SPAG16: variants seen among roughly 807,000 people sequenced by gnomAD.
SPAG16 encodes sperm-associated antigen 16 protein.
A neutral mutation model predicts 80.4 loss-of-function variants in SPAG16; 86 were observed. The ratio of observed to expected loss-of-function variants is 1.07; its 90% CI spans 0.90 to 1.28. The LOEUF (loss-of-function observed/expected upper bound fraction) is 1.28, where lower values mean the gene tolerates loss of function less well. Ranked by LOEUF, SPAG16 falls within the 50% of genes most tolerant of loss-of-function variation. The pLI is 0.00. For missense variants in SPAG16, 870 were observed against 765.3 expected, an observed-to-expected ratio of 1.14 and a Z score of -1.61; for synonymous variants, 294 against 265.9, an observed-to-expected ratio of 1.11 and a Z score of -1.03.
At chr2:214,297,887 A>T (rs1408361857) in intron 15 of SPAG16, among the ~76,000 whole-genome samples, 1 of 150,812 alleles carries the variant, frequency 6.6e-6, no homozygotes, top group Non-Finnish European at 1.5e-5. Context: ...GAAAAATGAC[A>T]TTAGTAATTT....
intron 15 of SPAG16, among the ~76,000 whole-genome samples, chr2:214,302,075 T>G (rs74995919): frequency 0.035 from 5,263 of 152,302 alleles, 126 homozygotes; most frequent in Middle Eastern, 0.058. Flanking sequence ...AGTTTCCATG[T>G]ACTTATACAG....
intron 15 of SPAG16, among the ~76,000 whole-genome samples, chr2:214,268,294 T>C (rs1691736654): frequency 6.6e-6 from 1 of 151,876 alleles, no homozygotes; most frequent in Non-Finnish European, 1.5e-5. Flanking sequence ...ATCTCAGTAC[T>C]GTATATATAT....
At chr2:213,776,827 C>T (rs1164017186) in intron 10 of SPAG16, among the ~76,000 whole-genome samples, 2 of 22,608 alleles carry the variant, frequency 8.8e-5, no homozygotes, top group Admixed American at 1.1e-3. Context: ...TTCTATGCCA[C>T]CCCCCCCCCA....
At chr2:214,171,599 C>T (rs1047917624) in intron 15 of SPAG16, among the ~76,000 whole-genome samples, 1 of 151,876 alleles carries the variant, frequency 6.6e-6, no homozygotes, top group Non-Finnish European at 1.5e-5. Flanking sequence ...AACATATTTT[C>T]TCAGCAACTT....
chr2:213,869,482 A>G (rs960743320), intron 11 of SPAG16, among the ~76,000 whole-genome samples: 2 of 151,502 alleles, frequency 1.3e-5, no homozygotes, highest in African/African-American at 4.8e-5. Context: ...TCTGGAAAAC[A>G]TAGTAGACTT....
chr2:214,020,919 A>G (rs1465401498), intron 13 of SPAG16, among the ~76,000 whole-genome samples: 1 of 152,190 alleles, frequency 6.6e-6, no homozygotes, highest in African/African-American at 2.4e-5. Context: ...GAAACACTAA[A>G]AATATGTGTT....
chr2:213,529,319 A>G (rs1025284378), intron 10 of SPAG16, among the ~76,000 whole-genome samples: 2 of 152,160 alleles, frequency 1.3e-5, no homozygotes, highest in African/African-American at 2.4e-5. Flanking sequence ...CTACTCCTCA[A>G]AAAAGCCCTG....
At chr2:213,376,614 T>A (rs2066894907) in intron 9 of SPAG16, among the ~76,000 whole-genome samples, 1 of 152,192 alleles carries the variant, frequency 6.6e-6, no homozygotes, top group African/African-American at 2.4e-5. Context: ...TTTTAATAAT[T>A]CACTTCACAT....
chr2:214,148,860 G>A (rs1004795370), intron 14 of SPAG16, among the ~76,000 whole-genome samples: 5 of 151,574 alleles, frequency 3.3e-5, no homozygotes, highest in Admixed American at 2.6e-4. Context: ...TGTCTGAAAC[G>A]TTAACTCCAA....
rs114837033 is a variant in SPAG16, at chr2:214,076,989, C to T, written c.1528-31207C>T. Among the ~76,000 whole-genome samples the T allele has an allele frequency of 7.3e-3, 1,115 of 152,084 alleles. 16 individuals carry two copies. Among genetic ancestry groups the T allele is most frequent in the African/African-American group, 0.025 (1,026 of 41,494 alleles). On this transcript the variant is annotated intron_variant, in intron 13 of 15. Coordinates refer to ENST00000331683, the MANE Select transcript of SPAG16 (RefSeq NM_024532.5). Reference sequence around the variant, plus strand: ...GGAAGCTTTGGAAATGAACCCAGGCCGCCTGGAGGAGTGTGCAGCATGAGA... The same window carrying T: ...GGAAGCTTTGGAAATGAACCCAGGCTGCCTGGAGGAGTGTGCAGCATGAGA...
chr2:214,140,586 C>A (rs1448763517), intron 14 of SPAG16, among the ~76,000 whole-genome samples: 3 of 151,922 alleles, frequency 2.0e-5, no homozygotes, highest in Non-Finnish European at 4.4e-5. Flanking sequence ...TTTTTATACT[C>A]ATGATAACTT....
intron 10 of SPAG16, among the ~76,000 whole-genome samples, chr2:213,503,438 A>G (rs1318808553): frequency 6.6e-6 from 1 of 152,220 alleles, no homozygotes; most frequent in Non-Finnish European, 1.5e-5. Flanking sequence ...AGAACATTTG[A>G]TGATGAAGTG....
At chr2:213,335,692 A>C (rs1052598940) in intron 5 of SPAG16, among the ~76,000 whole-genome samples, 1 of 152,230 alleles carries the variant, frequency 6.6e-6, no homozygotes, top group Non-Finnish European at 1.5e-5. Flanking sequence ...TGTTCGAATC[A>C]ATAATTTCTT....
intron 11 of SPAG16, among the ~76,000 whole-genome samples, chr2:213,927,068 C>T (rs1575572397): frequency 1.3e-5 from 2 of 152,202 alleles, no homozygotes; most frequent in African/African-American, 4.8e-5. Context: ...CCCCTTCTTG[C>T]CTTGTAAATG....
intron 13 of SPAG16, among the ~76,000 whole-genome samples, chr2:214,041,452 C>CTT (rs35019214): frequency 1.3e-3 from 183 of 143,246 alleles, no homozygotes; most frequent in African/African-American, 2.7e-3. Context: ...GTAGTAGTTT[C>CTT]TTTTTTTTTT....
chr2:214,084,337 T>A (rs2051576078), intron 13 of SPAG16, among the ~76,000 whole-genome samples: 1 of 151,954 alleles, frequency 6.6e-6, no homozygotes, highest in South Asian at 2.1e-4. Context: ...AATCCTCAAT[T>A]CTGTTACTCT....
intron 13 of SPAG16, among the ~76,000 whole-genome samples, chr2:214,019,652 G>C (rs2047758969): frequency 6.6e-6 from 1 of 152,142 alleles, no homozygotes; most frequent in Non-Finnish European, 1.5e-5. Context: ...AGTTCATCCT[G>C]CACCCTGCAT....
At chr2:213,777,473 C>T (rs1287678546) in intron 10 of SPAG16, among the ~76,000 whole-genome samples, 1 of 151,834 alleles carries the variant, frequency 6.6e-6, no homozygotes, top group Non-Finnish European at 1.5e-5. Context: ...GTGGCGCGAT[C>T]TCCCCTTACT....
intron 9 of SPAG16, among the ~76,000 whole-genome samples, chr2:213,447,714 T>C (rs1022764854): frequency 6.6e-6 from 1 of 152,236 alleles, no homozygotes; most frequent in East Asian, 1.9e-4. Flanking sequence ...GTGTTAAGCC[T>C]CCTTTGTGCT....
Sources: gnomAD v4.1 joint callset for allele counts (sites outside exome capture counted in the v4.1 genomes callset) on GRCh38, gnomAD v4.1.1 for gene constraint, MANE v1.5 for transcripts, NCBI Gene and HGNC (gene_info 2026-07-23, HGNC 2026-07-21) for gene names.